TBC1D8: variants seen among roughly 807,000 people sequenced by gnomAD.
TBC1D8 encodes the protein BUB2-like protein 1.
A neutral mutation model predicts 118.8 loss-of-function variants in TBC1D8; 65 were observed. That is an observed-to-expected ratio of 0.55 (90% CI 0.45 to 0.67). The LOEUF (loss-of-function observed/expected upper bound fraction) is 0.67, where lower values mean the gene tolerates loss of function less well. Ranked by LOEUF, TBC1D8 falls within the 30% of genes least tolerant of loss-of-function variation. The probability of loss-of-function intolerance (pLI) is 0.00; values close to 1 mark genes in which losing one functional copy is unlikely to be tolerated. For synonymous variants in TBC1D8, 566 were observed against 595.8 expected (o/e 0.95, Z 0.73); for missense variants, 1,376 against 1,471.2 (o/e 0.94, Z 1.06).
At chr2:101,144,707 C>T (rs75303459) in intron 1 of TBC1D8, among the ~76,000 whole-genome samples, 16,076 of 152,192 alleles carry the variant, frequency 0.11, 911 homozygotes, top group Middle Eastern at 0.24. Context: ...AAGGCCTAGG[C>T]GGGCAGATTG....
At chr2:101,120,074 GT>G (rs1678027428) in intron 1 of TBC1D8, among the ~76,000 whole-genome samples, 1 of 152,102 alleles carries the variant, frequency 6.6e-6, no homozygotes, top group South Asian at 2.1e-4. Flanking sequence ...TGCAGAGAGG[GT>G]CCCTGACTCC....
At chr2:101,019,898 C>G (rs956418693) in intron 17 of TBC1D8, among the ~76,000 whole-genome samples, 13 of 147,144 alleles carry the variant, frequency 8.8e-5, no homozygotes, top group African/African-American at 3.2e-4. Flanking sequence ...GAAACCCTAT[C>G]TCTGCTAAAA....
In TBC1D8 at chr2:101,048,755, C is replaced by A. The variant is rs1474591397; in HGVS notation, c.872+1646G>T. On this transcript the variant is annotated intron_variant, in intron 5 of 19. Transcript: ENST00000409318. Reference sequence around the variant, plus strand: ...TAAGTCTTTTTAAAAAAAAAAAAAACACTATATTATTACTGAACACTAACT... The same window carrying A: ...TAAGTCTTTTTAAAAAAAAAAAAAAAACTATATTATTACTGAACACTAACT... Among the ~76,000 whole-genome samples, 7 of 150,128 alleles carry A rather than the reference C, an allele frequency of 4.7e-5. No homozygotes were observed. The South Asian group carries it at 6.3e-4, about 14-fold the overall frequency.
intron 1 of TBC1D8, among the ~76,000 whole-genome samples, chr2:101,091,114 C>T (rs995923346): frequency 6.6e-6 from 1 of 151,890 alleles, no homozygotes; most frequent in Non-Finnish European, 1.5e-5. Context: ...GAAACCCCAT[C>T]TCTACTAAAA....
At chr2:101,102,862 G>A (rs1437454152) in intron 1 of TBC1D8, among the ~76,000 whole-genome samples, 1 of 150,918 alleles carries the variant, frequency 6.6e-6, no homozygotes, top group Non-Finnish European at 1.5e-5. Flanking sequence ...GGGCAACATA[G>A]CAAAAAAAAT....
rs1380814210 is a variant in TBC1D8 at position 101,090,303 on chromosome 2, T to A, written c.189A>T (p.Arg63=). 3 of 1,613,756 alleles carry A rather than the reference T, an allele frequency of 1.9e-6. No individual in the cohort carries two copies. Among genetic ancestry groups the A allele is most frequent in the African/African-American group, 1.3e-5 (1 of 74,864 alleles). Residue 63 remains arginine (R), a synonymous_variant, in exon 2 of 20, where the codon CGA becomes CGT. Transcript: ENST00000409318. ...GGGAGCCGGGAACTTGAAGCAGAAT[T>A]CGAAATGGAGCGACCCGTGCATTGG... is the stretch of plus-strand genomic sequence containing the variant. ...LDSNARVAPF[R]ILLQVPGSQV...
chr2:101,029,545 G>A lies in TBC1D8; in HGVS notation c.2168C>T (p.Ala723Val). 1 of 1,614,024 alleles carries A rather than the reference G, an allele frequency of 6.2e-7. No individual in the cohort carries two copies. Among genetic ancestry groups the A allele is most frequent in the African/African-American group, 1.3e-5 (1 of 75,058 alleles). Residue 723 changes from alanine (A) to valine (V), a missense_variant, in exon 12 of 20, where the codon GCT (alanine) becomes GTT (valine). Ala to Val is a moderately conservative substitution (Grantham distance 64). Transcript: ENST00000409318. ...ATCCTTGCTGCTGCACAGGTCCTCAGCATTGGCCTCAAGCACAGCCAGTCC... is the reference window on the plus strand; with the variant it reads ...ATCCTTGCTGCTGCACAGGTCCTCAACATTGGCCTCAAGCACAGCCAGTCC... ...QLGLAVLEAN[A>V]EDLCSSKDDG...
At chr2:101,078,674 TCTC>T (rs1675010981) in intron 2 of TBC1D8, among the ~76,000 whole-genome samples, 1 of 139,040 alleles carries the variant, frequency 7.2e-6, no homozygotes, top group African/African-American at 2.7e-5. Flanking sequence ...TTCCTTACAC[TCTC>T]CTCCCTATTT....
At chr2:101,125,768 C>A (rs1362717607) in intron 1 of TBC1D8, among the ~76,000 whole-genome samples, 2 of 152,202 alleles carry the variant, frequency 1.3e-5, no homozygotes, top group African/African-American at 2.4e-5. Flanking sequence ...TGTTTAAAAA[C>A]CATTACCTTT....
intron 2 of TBC1D8, among the ~76,000 whole-genome samples, chr2:101,077,578 G>A (rs35792133): frequency 1.3e-5 from 2 of 151,950 alleles, no homozygotes; most frequent in African/African-American, 2.4e-5. Flanking sequence ...ACGAGATCTC[G>A]TAAGAATTCA....
intron 15 of TBC1D8, among the ~76,000 whole-genome samples, chr2:101,022,968 C>G (rs557286296): frequency 3.2e-4 from 49 of 151,860 alleles, no homozygotes; most frequent in African/African-American, 1.2e-3. Flanking sequence ...CACAGTGAAA[C>G]CCCGTCTCTA....
chr2:101,053,027 C>G (rs1023700802), intron 4 of TBC1D8, among the ~76,000 whole-genome samples: 11 of 152,240 alleles, frequency 7.2e-5, no homozygotes, highest in African/African-American at 2.7e-4. Context: ...CTTGTTCACA[C>G]AGAGAAAACA....
At chr2:101,097,821 T>C (rs944632778) in intron 1 of TBC1D8, among the ~76,000 whole-genome samples, 1 of 152,190 alleles carries the variant, frequency 6.6e-6, no homozygotes, top group African/African-American at 2.4e-5. Context: ...TGAGCTATGA[T>C]TGATCACACT....
At chr2:101,055,525 G>C (rs1247855166) in intron 3 of TBC1D8, among the ~76,000 whole-genome samples, 2 of 152,150 alleles carry the variant, frequency 1.3e-5, no homozygotes, top group Admixed American at 1.3e-4. Flanking sequence ...GGTTCCCAAG[G>C]TCATAAATAA....
chr2:101,040,142 G>C (rs763639291), intron 6 of TBC1D8, 36 bp downstream of exon 6: 5 of 1,600,480 alleles, frequency 3.1e-6, no homozygotes, highest in Non-Finnish European at 4.3e-6. Context: ...AACAACAAAA[G>C]GCTGCTTCGG....
intron 2 of TBC1D8, among the ~76,000 whole-genome samples, chr2:101,078,076 C>T (rs1674962191): frequency 6.6e-6 from 1 of 152,158 alleles, no homozygotes; most frequent in South Asian, 2.1e-4. Flanking sequence ...TCCCACACTG[C>T]TAAGATTGTA....
intron 5 of TBC1D8, among the ~76,000 whole-genome samples, chr2:101,043,378 AGAGCGTGCTGGCTAT>A (rs1288360778): frequency 2.0e-5 from 3 of 152,240 alleles, no homozygotes; most frequent in African/African-American, 7.2e-5. Flanking sequence ...CCTTGTCCTC[AGAGCGTGCTGGCTAT>A]GTTAGCTTTA....
chr2:101,014,457 G>GCTGA (rs1472100729), intron 17 of TBC1D8, among the ~76,000 whole-genome samples: 1 of 152,186 alleles, frequency 6.6e-6, no homozygotes, highest in East Asian at 1.9e-4. Flanking sequence ...CCTGTGAGAT[G>GCTGA]CTGACCTTTG....
chr2:101,071,366 C>CAAAT (rs66573133), intron 2 of TBC1D8, among the ~76,000 whole-genome samples: 42,631 of 150,954 alleles, frequency 0.28, 6,081 homozygotes, highest in Middle Eastern at 0.33. Context: ...AACAAACAAA[C>CAAAT]AAATAAATAA....
Sources: allele counts gnomAD v4.1 joint callset (sites outside exome capture counted in the v4.1 genomes callset), GRCh38; gene constraint gnomAD v4.1.1; transcripts MANE v1.5; gene names NCBI Gene and HGNC (gene_info 2026-07-23, HGNC 2026-07-21).